NELL1: variants seen among roughly 807,000 people sequenced by gnomAD.
NELL1 encodes the protein protein kinase C-binding protein NELL1.
A neutral mutation model predicts 107.4 loss-of-function variants in NELL1; 76 were observed. The ratio of observed to expected loss-of-function variants is 0.71; its 90% CI spans 0.59 to 0.86. NELL1 has a LOEUF of 0.86. Among genes scored for constraint, NELL1 ranks in the 40% least tolerant of loss-of-function variants. The pLI is 0.00. For synonymous variants in NELL1, 353 were observed against 341.2 expected (o/e 1.03, Z -0.38); for missense variants, 1,024 against 1,005.5 (o/e 1.02, Z -0.25).
At chr11:21,012,042 T>C (rs1320083048) in intron 12 of NELL1, among the ~76,000 whole-genome samples, 1 of 152,072 alleles carries the variant, frequency 6.6e-6, no homozygotes, top group Non-Finnish European at 1.5e-5. Context: ...CTGAGAGCAC[T>C]TTTTGGGTTA....
intron 2 of NELL1, among the ~76,000 whole-genome samples, chr11:20,746,118 C>A (rs929132082): frequency 6.6e-6 from 1 of 152,136 alleles, no homozygotes; most frequent in African/African-American, 2.4e-5. Flanking sequence ...GAATCCATGT[C>A]TTTTGGGTGA....
chr11:21,497,379 C>T (rs1448612939), intron 15 of NELL1, among the ~76,000 whole-genome samples: 1 of 151,988 alleles, frequency 6.6e-6, no homozygotes, highest in South Asian at 2.1e-4. Context: ...CTGGTCATAT[C>T]CCAGTTTTTG....
intron 2 of NELL1, among the ~76,000 whole-genome samples, chr11:20,698,636 ACATT>A (rs1854684991): frequency 1.3e-5 from 2 of 152,176 alleles, no homozygotes; most frequent in African/African-American, 4.8e-5. Flanking sequence ...TGAGAAAAAG[ACATT>A]CATATTAAAA....
chr11:20,913,285 A>T (rs1850172659), intron 5 of NELL1, among the ~76,000 whole-genome samples: 1 of 151,152 alleles, frequency 6.6e-6, no homozygotes, highest in African/African-American at 2.4e-5. Flanking sequence ...GTATTTTAGC[A>T]TACAAAAAAA....
chr11:21,041,170 C>T (rs1853220336), intron 12 of NELL1, among the ~76,000 whole-genome samples: 3 of 152,134 alleles, frequency 2.0e-5, no homozygotes, highest in Admixed American at 2.0e-4. Flanking sequence ...ACTGAGAAGG[C>T]TTGGTGGAAA....
intron 14 of NELL1, among the ~76,000 whole-genome samples, chr11:21,362,887 A>G (rs959644794): frequency 1.3e-5 from 2 of 152,138 alleles, no homozygotes; most frequent in African/African-American, 4.8e-5. Flanking sequence ...AATGGTCCTC[A>G]GGTCAATGGG....
intron 13 of NELL1, among the ~76,000 whole-genome samples, chr11:21,204,760 T>G (rs1413586950): frequency 6.6e-6 from 1 of 152,172 alleles, no homozygotes; most frequent in Non-Finnish European, 1.5e-5. Context: ...TTTATCTACC[T>G]TTGTTCTTTG....
intron 1 of NELL1, among the ~76,000 whole-genome samples, chr11:20,672,178 G>A (rs1005229473): frequency 2.0e-5 from 3 of 152,206 alleles, no homozygotes; most frequent in African/African-American, 7.2e-5. Context: ...CTTTCTGGAG[G>A]CAGCCCTCTG....
At chr11:20,750,392 T>C (rs1210160515) in intron 2 of NELL1, among the ~76,000 whole-genome samples, 1 of 152,082 alleles carries the variant, frequency 6.6e-6, no homozygotes. Flanking sequence ...TTCTTGCTGG[T>C]ATTTCTCATG....
chr11:20,837,743 CA>C (rs1848559481), intron 3 of NELL1, among the ~76,000 whole-genome samples: 1 of 151,670 alleles, frequency 6.6e-6, no homozygotes, highest in African/African-American at 2.4e-5. Flanking sequence ...ACAATTTGAG[CA>C]AAAAAATAAA....
intron 15 of NELL1, among the ~76,000 whole-genome samples, chr11:21,373,288 G>C (rs995794407): frequency 6.6e-6 from 1 of 152,000 alleles, no homozygotes; most frequent in Admixed American, 6.6e-5. Context: ...TATCTTGTCT[G>C]AGTTATTTTG....
intron 15 of NELL1, among the ~76,000 whole-genome samples, chr11:21,487,568 C>T (rs1254924300): frequency 6.6e-6 from 1 of 151,978 alleles, no homozygotes; most frequent in Non-Finnish European, 1.5e-5. Context: ...CAAGTGGTTC[C>T]ACTACAGAAA....
intron 15 of NELL1, among the ~76,000 whole-genome samples, chr11:21,497,171 G>T (rs1206173589): frequency 9.1e-6 from 1 of 109,606 alleles, no homozygotes; most frequent in Non-Finnish European, 1.7e-5. Flanking sequence ...GTGGGGGGAG[G>T]GGGGAGGGAT....
At chr11:20,872,387 C>T (rs1849218864) in intron 4 of NELL1, among the ~76,000 whole-genome samples, 1 of 151,984 alleles carries the variant, frequency 6.6e-6, no homozygotes, top group South Asian at 2.1e-4. Context: ...TGCCATGTTG[C>T]TCAGGCTGGT....
chr11:21,392,045 G>A (rs1851890811), intron 15 of NELL1, among the ~76,000 whole-genome samples: 1 of 151,726 alleles, frequency 6.6e-6, no homozygotes, highest in South Asian at 2.1e-4. Flanking sequence ...CATTCTGAGA[G>A]TCAGGTCGGA....
At chr11:20,803,815 T>G (rs938681566) in intron 3 of NELL1, among the ~76,000 whole-genome samples, 36 of 152,120 alleles carry the variant, frequency 2.4e-4, no homozygotes, top group Non-Finnish European at 4.7e-4. Context: ...AGACCCACCC[T>G]TAATCTGGGT....
In NELL1 at chr11:21,337,837, T is replaced by TTTTCTTTCTTTCTTTCTTTC. The variant is rs1555006223; in HGVS notation, c.1550-32987_1550-32968dup. Among the ~76,000 whole-genome samples, 60 of 86,646 alleles carry TTTTCTTTCTTTCTTTCTTTC rather than the reference T, an allele frequency of 6.9e-4. 1 individual carries two copies. The highest frequency in any genetic ancestry group is 8.7e-4 in the East Asian group (2 of 2,308). The allele number at this position is 86,646 out of a possible 152,430, so 56.8% of individuals were successfully genotyped here. A position where few individuals can be genotyped will look rare whatever the true frequency, so the allele number is the denominator to read the frequency against. ...CTTTCCTTCTTTCTTTCTTTCTTTC[T>TTTTCTTTCTTTCTTTCTTTC]TTTCTTTCTTTCTTTCTTTCTTTCT... On this transcript the variant is annotated intron_variant, in intron 14 of 19. Coordinates refer to ENST00000357134, the MANE Select transcript of NELL1 (RefSeq NM_006157.5).
chr11:21,294,076 T>C (rs1849326572), intron 14 of NELL1, among the ~76,000 whole-genome samples: 1 of 152,076 alleles, frequency 6.6e-6, no homozygotes, highest in Admixed American at 6.6e-5. Flanking sequence ...TAAAGTATAA[T>C]TTAAAAAAGT....
At chr11:21,454,626 T>C (rs1853674734) in intron 15 of NELL1, among the ~76,000 whole-genome samples, 1 of 152,226 alleles carries the variant, frequency 6.6e-6, no homozygotes, top group Non-Finnish European at 1.5e-5. Flanking sequence ...TACCATAGAC[T>C]GAGTGGTTTA....
Sources: gnomAD v4.1 joint callset for allele counts (sites outside exome capture counted in the v4.1 genomes callset) on GRCh38, gnomAD v4.1.1 for gene constraint, MANE v1.5 for transcripts, NCBI Gene and HGNC (gene_info 2026-07-23, HGNC 2026-07-21) for gene names.